The following TMEM132B variants were observed in gnomAD, a reference collection of about 807,000 sequenced individuals.
TMEM132B encodes transmembrane protein 132B.
In TMEM132B, 18 loss-of-function variants were observed where a neutral mutation model predicts 90.8. That is an observed-to-expected ratio of 0.20 (90% confidence interval 0.14 to 0.29). TMEM132B has a LOEUF of 0.29. TMEM132B is among the 10% of genes least tolerant of loss of function. TMEM132B has a pLI of 1.00. For missense variants in TMEM132B, 1,096 were observed against 1,326.8 expected, an observed-to-expected ratio of 0.83 and a Z score of 2.70; for synonymous variants, 504 against 523.3, an observed-to-expected ratio of 0.96 and a Z score of 0.50.
intron 1 of TMEM132B, among the ~76,000 whole-genome samples, chr12:125,194,129 T>G (rs1054115240): frequency 1.2e-4 from 18 of 152,234 alleles, no homozygotes; most frequent in Admixed American, 3.9e-4. Flanking sequence ...GACTCTTAAC[T>G]GATCAATACC....
At chr12:125,329,183 A>T (rs2136200868) in intron 1 of TMEM132B, among the ~76,000 whole-genome samples, 1 of 152,324 alleles carries the variant, frequency 6.6e-6, no homozygotes, top group Non-Finnish European at 1.5e-5. Flanking sequence ...TCATGCGAGG[A>T]TATGGCAAGA....
At chr12:125,440,834 G>A (rs532091176) in intron 3 of TMEM132B, among the ~76,000 whole-genome samples, 8 of 152,242 alleles carry the variant, frequency 5.3e-5, no homozygotes, top group Admixed American at 2.0e-4. Context: ...TGGAGAAAGC[G>A]GAAACTCAAG....
chr12:125,530,575 T>C (rs1016251557), intron 4 of TMEM132B, among the ~76,000 whole-genome samples: 3 of 152,264 alleles, frequency 2.0e-5, no homozygotes, highest in Non-Finnish European at 4.4e-5. Flanking sequence ...CTCACAGCTC[T>C]GGAGGCCAGA....
At chr12:125,228,014 C>T (rs1165513481) in intron 1 of TMEM132B, among the ~76,000 whole-genome samples, 1 of 152,212 alleles carries the variant, frequency 6.6e-6, no homozygotes, top group East Asian at 1.9e-4. Flanking sequence ...TTGCATTTCT[C>T]TATTCCTCAC....
chr12:125,186,417 G>GCTGGC lies in TMEM132B; in HGVS notation c.-383_-382insCTGGC. ...TCGCTGGCTCGAGGGGCGGCCGGCA[G>GCTGGC]ATGGCGATGGCAGAGGCGGCGGCGG... On this transcript the variant is annotated 5_prime_UTR_variant, in exon 1 of 9. Transcript: ENST00000682704. This position sits in a 1 kb window ranked among gnomAD's most constrained non-coding sequence, Gnocchi z 6.3. Among the ~76,000 whole-genome samples, 1 of 144,642 alleles carries GCTGGC rather than the reference G, an allele frequency of 6.9e-6. No homozygotes were observed. The highest frequency in any genetic ancestry group is 6.9e-5 in the Admixed American group (1 of 14,554). The allele number at this position is 144,642 out of a possible 152,430, so 94.9% of individuals were successfully genotyped here.
chr12:125,614,513 C>T (rs551192099), intron 5 of TMEM132B, among the ~76,000 whole-genome samples: 6 of 152,104 alleles, frequency 3.9e-5, no homozygotes, highest in Admixed American at 6.6e-5. Flanking sequence ...TCCAGTCTAC[C>T]ACTGATGGGC....
intron 5 of TMEM132B, among the ~76,000 whole-genome samples, chr12:125,602,653 A>C (rs2136922845): frequency 6.6e-6 from 1 of 152,350 alleles, no homozygotes; most frequent in Non-Finnish European, 1.5e-5. Flanking sequence ...GTATTCAAAT[A>C]GGAAGAGAGG....
chr12:125,468,626 G>C (rs1000501501), intron 3 of TMEM132B, among the ~76,000 whole-genome samples: 4 of 152,190 alleles, frequency 2.6e-5, no homozygotes, highest in Non-Finnish European at 4.4e-5. Context: ...GCATATGTTT[G>C]TGTTTATGGC....
At chr12:125,307,943 T>C (rs970609944) in intron 1 of TMEM132B, among the ~76,000 whole-genome samples, 3 of 135,246 alleles carry the variant, frequency 2.2e-5, no homozygotes, top group Admixed American at 7.7e-5. Flanking sequence ...TATATACTTA[T>C]ATTACAAGTA....
intron 3 of TMEM132B, among the ~76,000 whole-genome samples, chr12:125,446,855 T>C (rs1024897213): frequency 2.6e-5 from 4 of 152,186 alleles, no homozygotes; most frequent in Admixed American, 2.6e-4. Context: ...CTAGCAACCA[T>C]GAAAGGACCA....
At chr12:125,389,065 A>G (rs1183960400) in intron 2 of TMEM132B, among the ~76,000 whole-genome samples, 3 of 150,216 alleles carry the variant, frequency 2.0e-5, no homozygotes, top group African/African-American at 7.3e-5. Flanking sequence ...CAAACACACA[A>G]GATTGATAAA....
intron 4 of TMEM132B, among the ~76,000 whole-genome samples, chr12:125,537,088 G>A (rs1321927563): frequency 6.6e-6 from 1 of 152,038 alleles, no homozygotes; most frequent in African/African-American, 2.4e-5. Context: ...ATCCTTGAGG[G>A]ATTGATCCCA....
intron 6 of TMEM132B, among the ~76,000 whole-genome samples, chr12:125,650,374 C>T (rs906437984): frequency 6.6e-6 from 1 of 152,092 alleles, no homozygotes; most frequent in Non-Finnish European, 1.5e-5. Flanking sequence ...TTCCTCCATC[C>T]CACAGGGGAA....
chr12:125,524,003 G>A (rs1234639002), intron 4 of TMEM132B, among the ~76,000 whole-genome samples: 14 of 152,200 alleles, frequency 9.2e-5, no homozygotes, highest in Non-Finnish European at 1.5e-5. Context: ...GGCTGGGTGG[G>A]CTCTGGTCAC....
chr12:125,407,024 G>C lies in TMEM132B; in HGVS notation c.960-8507G>C, dbSNP rs143323630. ...TGTGCAACCATAGGCACAGAGTGCT[G>C]CCAACTGGGGGAGCTCACCCAAGCT... On this transcript the variant is annotated intron_variant, in intron 2 of 8. Coordinates refer to ENST00000682704, the MANE Select transcript of TMEM132B (RefSeq NM_001366854.1). This position sits in a 1 kb window ranked among gnomAD's most constrained non-coding sequence, Gnocchi z 6.7. Among the ~76,000 whole-genome samples the C allele has an allele frequency of 6.6e-6, 1 of 152,300 alleles. No homozygotes were observed. Among genetic ancestry groups the C allele is most frequent in the African/African-American group, 2.4e-5 (1 of 41,572 alleles).
intron 1 of TMEM132B, among the ~76,000 whole-genome samples, chr12:125,249,472 T>C (rs1268880264): frequency 6.6e-6 from 1 of 152,186 alleles, no homozygotes; most frequent in African/African-American, 2.4e-5. Flanking sequence ...CTATTAGTAG[T>C]GATTAGTTTG....
chr12:125,545,560 T>A (rs1345328573), intron 4 of TMEM132B, among the ~76,000 whole-genome samples: 3 of 152,226 alleles, frequency 2.0e-5, no homozygotes, highest in Admixed American at 2.0e-4. Context: ...GACACCGTCC[T>A]GTTTTAGCCG....
Position 125,349,867 on chromosome 12 carries a change from A to G in TMEM132B, c.483A>G (p.Leu161=), listed in dbSNP as rs768064263. Residue 161 remains leucine, a synonymous_variant, in exon 2 of 9, where the codon CTA becomes CTG. Coordinates refer to ENST00000682704, the MANE Select transcript of TMEM132B (RefSeq NM_001366854.1). The surrounding 1 kb of genome is among the most constrained non-coding windows in gnomAD (Gnocchi z 4.1). ...ATGACAGTGACCTTACGGAAGATCT[A>G]CCCTGTGTCAAGATGTTTGCTTTCC... ...GWDDSDLTED[L]PCVKMFAFPE... is the part of the protein sequence containing the mutation. 9.3e-6 allele frequency: 15 copies of G among 1,614,016 alleles called. No homozygotes were observed. The highest frequency in any genetic ancestry group is 1.2e-5 in the Non-Finnish European group (14 of 1,180,020).
At chr12:125,302,672 T>A (rs904207196) in intron 1 of TMEM132B, among the ~76,000 whole-genome samples, 3 of 152,256 alleles carry the variant, frequency 2.0e-5, no homozygotes, top group African/African-American at 7.2e-5. Context: ...TTTATTTTTG[T>A]AATATACATA....
Sources: gnomAD v4.1 joint callset for allele counts (sites outside exome capture counted in the v4.1 genomes callset) on GRCh38, gnomAD v4.1.1 for gene constraint, Gnocchi (gnomAD v3.1) non-coding constraint, MANE v1.5 for transcripts, NCBI Gene and HGNC (gene_info 2026-07-23, HGNC 2026-07-21) for gene names.